The following CHEK1 variants were observed in gnomAD, a reference collection of about 807,000 sequenced individuals.
CHEK1 encodes the protein checkpoint kinase 1, also known as serine/threonine-protein kinase Chk1.
A neutral mutation model predicts 60.2 loss-of-function variants in CHEK1; 32 were observed. The ratio of observed to expected loss-of-function variants is 0.53; its 90% confidence interval spans 0.40 to 0.71. The LOEUF (loss-of-function observed/expected upper bound fraction) is 0.71. Ranked by LOEUF, CHEK1 falls within the 30% of genes least tolerant of loss-of-function variation. CHEK1 has a pLI of 0.00. For synonymous variants in CHEK1, 179 were observed against 187.2 expected (o/e 0.96, Z 0.36); for missense variants, 399 against 564.6 (o/e 0.71, Z 2.97).
chr11:125,630,336 A>G (rs549631144), intron 5 of CHEK1, among the ~76,000 whole-genome samples: 1 of 149,708 alleles, frequency 6.7e-6, no homozygotes, highest in Non-Finnish European at 1.5e-5. Context: ...TTTGAAACAG[A>G]GTCTTGCTGT....
rs1940600890 is a variant in CHEK1, at chr11:125,626,317, G to A, written c.-21+305G>A. The A allele has an allele frequency of 1.3e-5, 6 of 470,864 alleles. No individual in the cohort carries two copies. The South Asian group carries it at 1.9e-4, about 15-fold the overall frequency. 29.2% of individuals were successfully genotyped at this position (470,864 alleles called of 1,614,324 possible). On this transcript the variant is annotated intron_variant, in intron 1 of 12. Transcript: ENST00000438015. Reference sequence around the variant, plus strand: ...GGCCTTTGGGACGGGTGGGGCTGTGGATGGGGATGGGAATTGGAATTGAGC... The same window carrying A: ...GGCCTTTGGGACGGGTGGGGCTGTGAATGGGGATGGGAATTGGAATTGAGC...
intron 13 of CHEK1, among the ~76,000 whole-genome samples, chr11:125,668,552 T>C (rs1333773035): frequency 1.3e-5 from 2 of 152,120 alleles, no homozygotes; most frequent in East Asian, 3.9e-4. Context: ...TATTTATTTT[T>C]GAGACAAGAT....
chr11:125,654,361 A>G (rs1245330440), intron 12 of CHEK1, among the ~76,000 whole-genome samples: 1 of 152,198 alleles, frequency 6.6e-6, no homozygotes, highest in Admixed American at 6.5e-5. Flanking sequence ...TTTTGTGAAA[A>G]ATGTAGATAA....
In CHEK1 at chr11:125,625,595, C is replaced by A; in HGVS notation, c.-438C>A. ...GCGGTGCAGCCTTTCAGGCCCAGAG[C>A]GGCCAGGAGCGAAGCCCGCAGCCCC... On this transcript the variant is annotated 5_prime_UTR_variant, in exon 1 of 13. Coordinates refer to ENST00000438015, the MANE Select transcript of CHEK1 (RefSeq NM_001114122.3). 1 of 591,306 alleles carries A rather than the reference C, an allele frequency of 1.7e-6. No individual in the cohort carries two copies. The highest frequency in any genetic ancestry group is 3.0e-6 in the Non-Finnish European group (1 of 330,738). 36.6% of individuals were successfully genotyped at this position (591,306 alleles called of 1,614,324 possible). A position where few individuals can be genotyped will look rare whatever the true frequency, so the allele number is the denominator to read the frequency against.
Position 125,625,613 on chromosome 11 carries a change from G to A in CHEK1, c.-420G>A. ...CCCAGAGCGGCCAGGAGCGAAGCCCGCAGCCCCGCCTGGAAGCGCAGCGCG... is the reference window on the plus strand; with the variant it reads ...CCCAGAGCGGCCAGGAGCGAAGCCCACAGCCCCGCCTGGAAGCGCAGCGCG... On this transcript the variant is annotated 5_prime_UTR_variant, in exon 1 of 13. Coordinates refer to ENST00000438015, the MANE Select transcript of CHEK1 (RefSeq NM_001114122.3). The A allele has an allele frequency of 1.7e-6, 1 of 595,632 alleles. No homozygotes were observed. Among genetic ancestry groups the A allele is most frequent in the South Asian group, 2.0e-5 (1 of 49,818 alleles). 36.9% of individuals were successfully genotyped at this position (595,632 alleles called of 1,614,324 possible).
chr11:125,655,179 T>G (rs1941868699), intron 12 of CHEK1, 46 bp from the exon 13 acceptor site: 2 of 1,460,724 alleles, frequency 1.4e-6, no homozygotes, highest in African/African-American at 2.8e-5. Context: ...GAATTTTGTT[T>G]TTGTTTTTGT....
chr11:125,667,973 G>T (rs1942128506), intron 13 of CHEK1, among the ~76,000 whole-genome samples: 1 of 152,118 alleles, frequency 6.6e-6, no homozygotes, highest in Admixed American at 6.5e-5. Flanking sequence ...TCATTGTAAG[G>T]ATTAGTCTAA....
At chr11:125,660,752 C>CAAA (rs57658252), downstream of CHEK1, among the ~76,000 whole-genome samples, 1 of 140,456 alleles carries the variant, frequency 7.1e-6, no homozygotes. Context: ...GATTTATTAA[C>CAAA]AAAAAAAAAA....
chr11:125,678,292 A>T, downstream of CHEK1: 4 of 1,613,518 alleles, frequency 2.5e-6, no homozygotes, highest in Non-Finnish European at 3.4e-6. Flanking sequence ...GGCTGACTTG[A>T]TGTTCCTGGG....
At chr11:125,661,674 CT>C (rs977201738), downstream of CHEK1, among the ~76,000 whole-genome samples, 69 of 145,772 alleles carry the variant, frequency 4.7e-4, no homozygotes, top group East Asian at 1.2e-3. Flanking sequence ...AATCTATATG[CT>C]TTTTTTTTTT....
chr11:125,644,335 TTAA>T, intron 10 of CHEK1, 67 bp downstream of exon 10: 2 of 1,508,774 alleles, frequency 1.3e-6, no homozygotes, highest in South Asian at 2.6e-5. Context: ...AAGTCCTTTT[TTAA>T]TGTGTAAATC....
chr11:125,678,240 T>A, downstream of CHEK1: 1 of 1,614,198 alleles, frequency 6.2e-7, no homozygotes, highest in Non-Finnish European at 8.5e-7. Flanking sequence ...TGGAAGTTGC[T>A]GAACTGAAGT....
intron 13 of CHEK1, among the ~76,000 whole-genome samples, chr11:125,669,059 A>C (rs1942149701): frequency 2.0e-5 from 3 of 152,294 alleles, no homozygotes; most frequent in South Asian, 4.1e-4. Flanking sequence ...CATTAAAAAA[A>C]AGTCTGTGCA....
chr11:125,666,859 C>T (rs956825371), intron 13 of CHEK1, among the ~76,000 whole-genome samples: 12 of 151,832 alleles, frequency 7.9e-5, no homozygotes, highest in African/African-American at 2.7e-4. Context: ...CAACCCTTCA[C>T]TTTCAGTTTA....
chr11:125,672,865 G>T, intron 13 of CHEK1: 1 of 1,034,010 alleles, frequency 9.7e-7, no homozygotes, highest in Admixed American at 2.9e-5. Flanking sequence ...TGCTTCCTCT[G>T]GGAACTTGCC....
rs980142649 is a variant in CHEK1, at chr11:125,625,210, G to A, written c.-823G>A. The A allele has an allele frequency of 1.8e-5, 4 of 227,472 alleles. No individual in the cohort carries two copies. The highest frequency in any genetic ancestry group is 3.5e-5 in the Non-Finnish European group (4 of 114,494). The allele number at this position is 227,472 out of a possible 1,614,324, so 14.1% of individuals were successfully genotyped here. A position where few individuals can be genotyped will look rare whatever the true frequency, so the allele number is the denominator to read the frequency against. The stretch of plus-strand genomic sequence containing the variant: ...TTGCACATTAAAAATGAAAAAGTTT[G>A]TAGAACTAAGCTAAGCAGATGGTCT... On this transcript the variant is annotated 5_prime_UTR_variant, in exon 1 of 13. Transcript: ENST00000438015.
At chr11:125,672,332 T>C in intron 13 of CHEK1, 1 of 391,792 alleles carries the variant, frequency 2.6e-6, no homozygotes, top group Non-Finnish European at 4.6e-6. Flanking sequence ...CTTGAGCCTG[T>C]GTGCTTTAAC....
At chr11:125,641,923 G>T (rs530285363) in intron 8 of CHEK1, among the ~76,000 whole-genome samples, 1 of 151,642 alleles carries the variant, frequency 6.6e-6, no homozygotes, top group East Asian at 1.9e-4. Flanking sequence ...TAGTTCTCAC[G>T]TGTAGTGTAA....
At chr11:125,645,637 G>A (rs1351822756) in intron 11 of CHEK1, among the ~76,000 whole-genome samples, 1 of 152,168 alleles carries the variant, frequency 6.6e-6, no homozygotes, top group Admixed American at 6.5e-5. Flanking sequence ...TCTTGGGTGT[G>A]ATAATACTGT....
Sources: allele counts gnomAD v4.1 joint callset (sites outside exome capture counted in the v4.1 genomes callset), GRCh38; gene constraint gnomAD v4.1.1; transcripts MANE v1.5; gene names NCBI Gene and HGNC (gene_info 2026-07-23, HGNC 2026-07-21).